Variants in LPXN observed in about 807,000 individuals in gnomAD.
LPXN encodes leupaxin.
A neutral mutation model predicts 45.6 loss-of-function variants in LPXN; 28 were observed. The observed-to-expected ratio is 0.61, with a 90% CI of 0.45 to 0.84. The LOEUF (loss-of-function observed/expected upper bound fraction) is 0.84. Ranked by LOEUF, LPXN falls within the 40% of genes least tolerant of loss-of-function variation. The pLI is 0.00. For synonymous variants in LPXN, 166 were observed against 169.9 expected, an observed-to-expected ratio of 0.98 and a Z score of 0.18; for missense variants, 459 against 475.0, an observed-to-expected ratio of 0.97 and a Z score of 0.31.
At chr11:58,577,023 C>A (rs555119177), upstream of LPXN, among the ~76,000 whole-genome samples, 5 of 152,138 alleles carry the variant, frequency 3.3e-5, no homozygotes, top group South Asian at 1.0e-3. Flanking sequence ...AAGTTCTGGG[C>A]TCAAGGGATC....
rs759806348 is a variant in LPXN at position 58,549,131 on chromosome 11, C to A, written c.742+655G>T. Among the ~76,000 whole-genome samples the A allele has an allele frequency of 4.3e-4, 65 of 152,342 alleles. 1 individual carries two copies. In the Middle Eastern group the frequency reaches 0.01, roughly 24 times the overall value. ...CATAAGCAGGCCAGGCGCAGTAGTT[C>A]ATGCCTGTAATGCCAGCACTTTGGG... On this transcript the variant is annotated intron_variant, in intron 7 of 8. Coordinates refer to ENST00000395074, the MANE Select transcript of LPXN (RefSeq NM_004811.3).
At position 58,574,183 on chromosome 11, in the gene LPXN, G is replaced by A. The variant is rs1854804586; in HGVS notation, c.13+1577C>T. 2.0e-5 allele frequency among the ~76,000 whole-genome samples: 3 copies of A among 152,166 alleles called. No homozygotes were observed. The South Asian group carries it at 6.2e-4, about 31-fold the overall frequency. ...TAATCTGCACAAATATTAGCTTCCA[G>A]GCTACTTGGTACTTTCTGTATTTCC... On this transcript the variant is annotated intron_variant, in intron 1 of 8. Coordinates refer to ENST00000395074, the MANE Select transcript of LPXN (RefSeq NM_004811.3).
intron 3 of LPXN, among the ~76,000 whole-genome samples, chr11:58,561,119 G>A (rs10896792): frequency 0.4 from 60,581 of 151,710 alleles, 12,200 homozygotes; most frequent in Middle Eastern, 0.54. Context: ...TCTGTCTCAC[G>A]ACTACTCAAG....
chr11:58,532,797 A>G (rs1247679104), intron 7 of LPXN, among the ~76,000 whole-genome samples: 1 of 152,248 alleles, frequency 6.6e-6, no homozygotes, highest in Non-Finnish European at 1.5e-5. Flanking sequence ...CCGAGCCAGC[A>G]GTGGCAACCC....
chr11:58,550,968 A>T, intron 5 of LPXN, 97 bp downstream of exon 5: 1 of 1,187,924 alleles, frequency 8.4e-7, no homozygotes, highest in Non-Finnish European at 1.1e-6. Context: ...TATTAATGCT[A>T]ACTAAAATAT....
intron 4 of LPXN, among the ~76,000 whole-genome samples, chr11:58,554,466 A>T (rs1854143656): frequency 6.6e-6 from 1 of 152,076 alleles, no homozygotes; most frequent in African/African-American, 2.4e-5. Flanking sequence ...GTCCATCCCA[A>T]GTTTCAACTC....
intron 3 of LPXN, among the ~76,000 whole-genome samples, chr11:58,562,742 T>C (rs1854414494): frequency 6.6e-6 from 1 of 152,164 alleles, no homozygotes; most frequent in Non-Finnish European, 1.5e-5. Context: ...AGCAGACCTG[T>C]TGTGCTCCAG....
At chr11:58,542,456 T>TA in intron 7 of LPXN, among the ~76,000 whole-genome samples, 1 of 151,788 alleles carries the variant, frequency 6.6e-6, no homozygotes, top group South Asian at 2.1e-4. Context: ...AGGTTTTTTT[T>TA]AAAAAAGATG....
chr11:58,551,253 A>G, intron 4 of LPXN, 21 bp from the exon 5 acceptor site: 1 of 1,582,084 alleles, frequency 6.3e-7, no homozygotes, highest in Non-Finnish European at 8.6e-7. Flanking sequence ...GGAAGAACCA[A>G]GAACAGAATC....
At chr11:58,571,466 T>C (rs982839223) in intron 1 of LPXN, among the ~76,000 whole-genome samples, 16 of 152,020 alleles carry the variant, frequency 1.1e-4, no homozygotes, top group Admixed American at 7.2e-4. Context: ...CACTTATTCT[T>C]AATCCTAATG....
chr11:58,539,958 T>G (rs886979356), intron 7 of LPXN, among the ~76,000 whole-genome samples: 1 of 152,154 alleles, frequency 6.6e-6, no homozygotes, highest in Non-Finnish European at 1.5e-5. Context: ...GGGATGACAC[T>G]GCTTAAATTT....
chr11:58,536,852 T>C (rs1853568369), intron 7 of LPXN, among the ~76,000 whole-genome samples: 1 of 151,164 alleles, frequency 6.6e-6, no homozygotes, highest in Admixed American at 6.6e-5. Context: ...CTGAAGGATA[T>C]GAACACACAC....
chr11:58,533,221 AC>A (rs1853448773), intron 7 of LPXN, among the ~76,000 whole-genome samples: 1 of 152,178 alleles, frequency 6.6e-6, no homozygotes, highest in African/African-American at 2.4e-5. Context: ...GAGACCAAGA[AC>A]CCACCAATTT....
At chr11:58,551,572 G>A (rs112178064) in intron 4 of LPXN, among the ~76,000 whole-genome samples, 7,336 of 152,172 alleles carry the variant, frequency 0.048, 265 homozygotes, top group Non-Finnish European at 0.072. Flanking sequence ...CATTTATTTG[G>A]CAATAATTGT....
Position 58,526,927 on chromosome 11 carries a change from A to G in LPXN, c.*527T>C, listed in dbSNP as rs1239427714. On this transcript the variant is annotated 3_prime_UTR_variant, in exon 9 of 9. Transcript: ENST00000395074. ...ATGATGTCAGTACTCAAAGTTGTCC[A>G]GTTAAAATCTACTTCCTCTTGAAAA... 1 of 156,032 alleles carries G rather than the reference A, an allele frequency of 6.4e-6. No homozygotes were observed. The highest frequency in any genetic ancestry group is 6.2e-5 in the Admixed American group (1 of 16,116). The allele number at this position is 156,032 out of a possible 1,614,324, so 9.7% of individuals were successfully genotyped here.
chr11:58,560,925 A>G (rs1854354843), intron 3 of LPXN, among the ~76,000 whole-genome samples: 1 of 152,234 alleles, frequency 6.6e-6, no homozygotes, highest in South Asian at 2.1e-4. Context: ...TCTAACTTTC[A>G]TTATTATAAT....
chr11:58,545,916 T>C (rs1363247452), intron 7 of LPXN, among the ~76,000 whole-genome samples: 1 of 152,200 alleles, frequency 6.6e-6, no homozygotes, highest in East Asian at 1.9e-4. Flanking sequence ...GATGGCATCA[T>C]ATAAATTATT....
chr11:58,532,629 G>T (rs1291631717), intron 7 of LPXN, among the ~76,000 whole-genome samples: 1 of 152,236 alleles, frequency 6.6e-6, no homozygotes, highest in Admixed American at 6.5e-5. Flanking sequence ...GCACCAATCA[G>T]CACTCTGTGT....
intron 7 of LPXN, among the ~76,000 whole-genome samples, chr11:58,534,135 G>T (rs1255248517): frequency 1.3e-5 from 2 of 152,120 alleles, no homozygotes; most frequent in Non-Finnish European, 1.5e-5. Flanking sequence ...AATTAACAAG[G>T]ATATTCAGGA....
Sources: gnomAD v4.1 joint callset for allele counts (sites outside exome capture counted in the v4.1 genomes callset) on GRCh38, gnomAD v4.1.1 for gene constraint, MANE v1.5 for transcripts, NCBI Gene and HGNC (gene_info 2026-07-23, HGNC 2026-07-21) for gene names.